Variants in ST6GALNAC3 observed in about 807,000 individuals in gnomAD.
The protein encoded by ST6GALNAC3 is ST6 N-acetylgalactosaminide alpha-2,6-sialyltransferase 3.
In ST6GALNAC3, 25 loss-of-function variants were observed where a neutral mutation model predicts 32.7. The ratio of observed to expected loss-of-function variants is 0.76; its 90% CI spans 0.56 to 1.07. The LOEUF (loss-of-function observed/expected upper bound fraction) is 1.07. Among genes scored for constraint, ST6GALNAC3 ranks in the 50% least tolerant of loss-of-function variants. The probability of loss-of-function intolerance (pLI) is 0.00; values close to 1 mark genes in which losing one functional copy is unlikely to be tolerated. For missense variants in ST6GALNAC3, 355 were observed against 382.4 expected (o/e 0.93, Z 0.60); for synonymous variants, 129 against 133.1 (o/e 0.97, Z 0.21).
chr1:76,361,944 C>T (rs1649976280), intron 2 of ST6GALNAC3, among the ~76,000 whole-genome samples: 1 of 146,968 alleles, frequency 6.8e-6, no homozygotes, highest in South Asian at 2.1e-4. Flanking sequence ...CGCCACTGCA[C>T]TCCAGCCTGG....
chr1:76,233,507 T>C (rs1421999301), intron 1 of ST6GALNAC3, among the ~76,000 whole-genome samples: 2 of 152,176 alleles, frequency 1.3e-5, no homozygotes, highest in East Asian at 1.9e-4. Context: ...TTGTGACCTA[T>C]AGTTTAATCC....
intron 1 of ST6GALNAC3, among the ~76,000 whole-genome samples, chr1:76,283,708 G>A (rs1659624358): frequency 6.6e-6 from 1 of 152,164 alleles, no homozygotes; most frequent in Admixed American, 6.5e-5. Flanking sequence ...TTTTTCCTAA[G>A]TTTCCTATTT....
rs148265532 is a variant in ST6GALNAC3 at position 76,321,154 on chromosome 1, A to G, written c.213+7155A>G. ...AAGTGATTGGTTGAGGGGTGGGCTCATGGCCCAAGATGAGCCATTCTGAAG... is the reference window on the plus strand; with the variant it reads ...AAGTGATTGGTTGAGGGGTGGGCTCGTGGCCCAAGATGAGCCATTCTGAAG... On this transcript the variant is annotated intron_variant, in intron 2 of 4. Coordinates refer to ENST00000328299, the MANE Select transcript of ST6GALNAC3 (RefSeq NM_152996.4). 7.6e-3 allele frequency among the ~76,000 whole-genome samples: 1,155 copies of G among 152,198 alleles called. 10 individuals carry two copies. The highest frequency in any genetic ancestry group is 0.01 in the Non-Finnish European group (709 of 68,030).
At chr1:76,579,715 TC>T (rs375224932) in intron 3 of ST6GALNAC3, among the ~76,000 whole-genome samples, 15 of 152,202 alleles carry the variant, frequency 9.9e-5, no homozygotes, top group African/African-American at 3.6e-4. Context: ...GCTGATTGCA[TC>T]CCCACGATAT....
At chr1:76,177,850 C>T (rs1300845052) in intron 1 of ST6GALNAC3, among the ~76,000 whole-genome samples, 2 of 152,140 alleles carry the variant, frequency 1.3e-5, no homozygotes, top group African/African-American at 2.4e-5. Flanking sequence ...CCGTGCTCCA[C>T]GGATTTCATC....
At chr1:76,254,769 A>T (rs1405068660) in intron 1 of ST6GALNAC3, among the ~76,000 whole-genome samples, 1 of 152,016 alleles carries the variant, frequency 6.6e-6, no homozygotes, top group Middle Eastern at 3.2e-3. Flanking sequence ...GAGCTTACAG[A>T]TCTAATTGGC....
At chr1:76,539,114 C>T (rs1211094713) in intron 3 of ST6GALNAC3, among the ~76,000 whole-genome samples, 11 of 152,162 alleles carry the variant, frequency 7.2e-5, no homozygotes, top group Non-Finnish European at 1.0e-4. Flanking sequence ...TGACCTCAAA[C>T]TATACTACAA....
At chr1:76,613,482 C>G (rs1247531922) in intron 3 of ST6GALNAC3, among the ~76,000 whole-genome samples, 5 of 152,170 alleles carry the variant, frequency 3.3e-5, no homozygotes, top group Admixed American at 2.6e-4. Context: ...GTTTAAGACC[C>G]AACTCTGGAT....
At chr1:76,101,572 C>T (rs913513834) in intron 1 of ST6GALNAC3, among the ~76,000 whole-genome samples, 2 of 152,144 alleles carry the variant, frequency 1.3e-5, no homozygotes, top group African/African-American at 2.4e-5. Context: ...TCACTTCAGT[C>T]ACGTCTGCTC....
intron 2 of ST6GALNAC3, among the ~76,000 whole-genome samples, chr1:76,394,572 G>A (rs1571079914): frequency 1.3e-5 from 2 of 152,094 alleles, no homozygotes; most frequent in African/African-American, 2.4e-5. Context: ...TAAATATTTA[G>A]TCCCAGGTTT....
chr1:76,380,036 A>C (rs912931074), intron 2 of ST6GALNAC3, among the ~76,000 whole-genome samples: 2 of 152,210 alleles, frequency 1.3e-5, no homozygotes, highest in African/African-American at 4.8e-5. Flanking sequence ...AAAGAAAAAC[A>C]TATGGCAGCT....
chr1:76,350,159 C>T (rs1648852451), intron 2 of ST6GALNAC3, among the ~76,000 whole-genome samples: 1 of 151,894 alleles, frequency 6.6e-6, no homozygotes, highest in Non-Finnish European at 1.5e-5. Flanking sequence ...AAACCTAGCT[C>T]ATTTCAAAAT....
At chr1:76,577,195 C>T (rs1646824185) in intron 3 of ST6GALNAC3, 31 of 1,013,156 alleles carry the variant, frequency 3.1e-5, no homozygotes, top group Non-Finnish European at 3.5e-5. Context: ...TTTATTAAAT[C>T]TTATCAAAGC....
rs557892116 is a variant in ST6GALNAC3, at chr1:76,493,980, C to G, written c.623+81563C>G. Among the ~76,000 whole-genome samples the G allele has an allele frequency of 3.3e-5, 5 of 152,212 alleles. No homozygotes were observed. In the South Asian group the frequency reaches 1.0e-3, roughly 32 times the overall value. ...CTCCTTTCTTATCTTTGCCTGGGCC[C>G]TTAGGAGGGCTTTCTGCCATGTCAG... is the stretch of plus-strand genomic sequence containing the variant. On this transcript the variant is annotated intron_variant, in intron 3 of 4. Transcript: ENST00000328299.
chr1:76,503,033 T>G lies in ST6GALNAC3; in HGVS notation c.623+90616T>G, dbSNP rs141175321. On this transcript the variant is annotated intron_variant, in intron 3 of 4. Coordinates refer to ENST00000328299, the MANE Select transcript of ST6GALNAC3 (RefSeq NM_152996.4). ...ATCTCAGTGTAGGTAAGGTTGAAATTAAGAGTTGTACGCTAAATAACCTGA... is the reference window on the plus strand; with the variant it reads ...ATCTCAGTGTAGGTAAGGTTGAAATGAAGAGTTGTACGCTAAATAACCTGA... Among the ~76,000 whole-genome samples the G allele has an allele frequency of 2.3e-3, 344 of 152,204 alleles. 1 individual carries two copies. The highest frequency in any genetic ancestry group is 8.0e-3 in the African/African-American group (334 of 41,492).
chr1:76,143,439 A>C (rs1650469674), intron 1 of ST6GALNAC3, among the ~76,000 whole-genome samples: 1 of 124,980 alleles, frequency 8.0e-6, no homozygotes, highest in African/African-American at 2.7e-5. Context: ...CTGTGTGTGC[A>C]TGTATTTGAA....
chr1:76,435,034 A>C (rs952137751), intron 3 of ST6GALNAC3, among the ~76,000 whole-genome samples: 1 of 151,724 alleles, frequency 6.6e-6, no homozygotes, highest in African/African-American at 2.4e-5. Flanking sequence ...CAGGTGATCC[A>C]CCCACCTTGG....
chr1:76,457,369 G>A lies in ST6GALNAC3; in HGVS notation c.623+44952G>A, dbSNP rs184168197. Among the ~76,000 whole-genome samples, 3 of 152,094 alleles carry A rather than the reference G, an allele frequency of 2.0e-5. No individual in the cohort carries two copies. In the East Asian group the frequency reaches 5.8e-4, roughly 29 times the overall value. On this transcript the variant is annotated intron_variant, in intron 3 of 4. Transcript: ENST00000328299. Reference sequence around the variant, plus strand: ...AAAAAACTACTTTAAAATTCATATGGAACCAAAAAGGAGCCCGCATCGCCA... The same window carrying A: ...AAAAAACTACTTTAAAATTCATATGAAACCAAAAAGGAGCCCGCATCGCCA...
chr1:76,383,469 G>A (rs1276658424), intron 2 of ST6GALNAC3, among the ~76,000 whole-genome samples: 1 of 149,844 alleles, frequency 6.7e-6, no homozygotes, highest in Non-Finnish European at 1.5e-5. Context: ...TAGAGGCAGG[G>A]TCTCTCTATA....
Sources: allele counts gnomAD v4.1 joint callset (sites outside exome capture counted in the v4.1 genomes callset), GRCh38; gene constraint gnomAD v4.1.1; transcripts MANE v1.5; gene names NCBI Gene and HGNC (gene_info 2026-07-23, HGNC 2026-07-21).